The following ZNF804B variants were observed in gnomAD, a reference collection of about 807,000 sequenced individuals.
ZNF804B encodes the protein zinc finger protein 804B.
A neutral mutation model predicts 101.4 loss-of-function variants in ZNF804B; 80 were observed. The observed-to-expected ratio is 0.79, with a 90% CI of 0.66 to 0.95. ZNF804B has a LOEUF of 0.95. ZNF804B is among the 40% of genes least tolerant of loss of function. The pLI is 0.00. For synonymous variants in ZNF804B, 622 were observed against 558.8 expected (o/e 1.11, Z -1.59); for missense variants, 1,673 against 1,561.9 (o/e 1.07, Z -1.20).
At chr7:89,118,860 G>C (rs1370612546) in intron 1 of ZNF804B, among the ~76,000 whole-genome samples, 5 of 152,136 alleles carry the variant, frequency 3.3e-5, no homozygotes, top group Non-Finnish European at 4.4e-5. Flanking sequence ...CCCTCTGAAA[G>C]AGGACTACAG....
At chr7:89,176,594 T>TTTTC (rs1554373958) in intron 1 of ZNF804B, among the ~76,000 whole-genome samples, 8 of 145,210 alleles carry the variant, frequency 5.5e-5, no homozygotes, top group African/African-American at 2.0e-4. Context: ...TTTCTTTCTT[T>TTTTC]TTTTTTTTTT....
At chr7:89,217,848 G>A (rs575161955) in intron 1 of ZNF804B, among the ~76,000 whole-genome samples, 1 of 152,128 alleles carries the variant, frequency 6.6e-6, no homozygotes, top group African/African-American at 2.4e-5. Context: ...GGGCTATGGA[G>A]GATATAAAGA....
intron 2 of ZNF804B, among the ~76,000 whole-genome samples, chr7:89,232,870 C>T (rs758022110): frequency 6.6e-6 from 1 of 151,928 alleles, no homozygotes; most frequent in Non-Finnish European, 1.5e-5. Context: ...TCTGATTTCT[C>T]TTTTGATATG....
At chr7:88,834,089 C>G (rs1562806578) in intron 1 of ZNF804B, among the ~76,000 whole-genome samples, 2 of 151,660 alleles carry the variant, frequency 1.3e-5, no homozygotes, top group Admixed American at 6.6e-5. Flanking sequence ...AATATAAGGT[C>G]AAGTGGGAGG....
At chr7:88,843,431 A>G (rs1791316595) in intron 1 of ZNF804B, among the ~76,000 whole-genome samples, 1 of 152,128 alleles carries the variant, frequency 6.6e-6, no homozygotes, top group Admixed American at 6.6e-5. Flanking sequence ...TAAAGAGTAG[A>G]ATAAATAATT....
chr7:88,782,632 C>T (rs993582495), intron 1 of ZNF804B, among the ~76,000 whole-genome samples: 1 of 152,094 alleles, frequency 6.6e-6, no homozygotes, highest in Non-Finnish European at 1.5e-5. Context: ...TAGAAACACA[C>T]AGTGGGAAAA....
intron 1 of ZNF804B, among the ~76,000 whole-genome samples, chr7:89,135,792 T>A (rs1223150052): frequency 6.6e-6 from 1 of 151,564 alleles, no homozygotes; most frequent in East Asian, 2.0e-4. Context: ...TTCCACCTAT[T>A]CCTGTATAAC....
intron 1 of ZNF804B, among the ~76,000 whole-genome samples, chr7:89,040,125 C>T (rs1788993629): frequency 6.6e-6 from 1 of 151,942 alleles, no homozygotes; most frequent in Admixed American, 6.5e-5. Flanking sequence ...TGCATTGATG[C>T]ATTTAATGAT....
chr7:89,138,648 GC>G (rs1193768412), intron 1 of ZNF804B, among the ~76,000 whole-genome samples: 1 of 152,028 alleles, frequency 6.6e-6, no homozygotes, highest in African/African-American at 2.4e-5. Context: ...GTTTGGCTGT[GC>G]CCCCACCCAA....
chr7:89,261,803 A>T (rs1789715841), intron 2 of ZNF804B, among the ~76,000 whole-genome samples: 1 of 152,194 alleles, frequency 6.6e-6, no homozygotes, highest in South Asian at 2.1e-4. Context: ...GGTATAGTAA[A>T]GTACAGTATT....
chr7:88,856,799 G>C (rs1418149986), intron 1 of ZNF804B, among the ~76,000 whole-genome samples: 1 of 152,134 alleles, frequency 6.6e-6, no homozygotes, highest in Non-Finnish European at 1.5e-5. Flanking sequence ...CTAGTTTATT[G>C]AGAGTTTTTA....
chr7:88,976,193 C>A (rs569908358), intron 1 of ZNF804B, among the ~76,000 whole-genome samples: 1 of 151,384 alleles, frequency 6.6e-6, no homozygotes, highest in Admixed American at 6.6e-5. Flanking sequence ...GTAATTCTTC[C>A]GTTTTTGTTC....
intron 1 of ZNF804B, among the ~76,000 whole-genome samples, chr7:89,067,303 A>G (rs1429833107): frequency 2.0e-5 from 3 of 152,200 alleles, no homozygotes; most frequent in African/African-American, 7.2e-5. Context: ...TGGAATCTCT[A>G]TCACTGGGAG....
At chr7:89,128,987 A>G (rs1405512038) in intron 1 of ZNF804B, among the ~76,000 whole-genome samples, 1 of 151,964 alleles carries the variant, frequency 6.6e-6, no homozygotes, top group Non-Finnish European at 1.5e-5. Context: ...TTGCAGCAGA[A>G]TTCATTGTGC....
intron 1 of ZNF804B, among the ~76,000 whole-genome samples, chr7:89,175,768 T>C (rs1791308110): frequency 1.3e-5 from 2 of 152,236 alleles, no homozygotes; most frequent in South Asian, 4.1e-4. Context: ...TAATTTTTAT[T>C]GTAGCAATCT....
rs530419123 is a variant in ZNF804B, at chr7:89,008,929, C to G, written c.109-209226C>G. Among the ~76,000 whole-genome samples the G allele has an allele frequency of 3.9e-5, 6 of 152,260 alleles. No homozygotes were observed. The South Asian group carries it at 1.2e-3, about 32-fold the overall frequency. On this transcript the variant is annotated intron_variant, in intron 1 of 3. Transcript: ENST00000333190. ...GTTACCCTTGAACATGTTCAGGTTTCTCTCATGCTCGACATTTTTACCTAG... is the reference window on the plus strand; with the variant it reads ...GTTACCCTTGAACATGTTCAGGTTTGTCTCATGCTCGACATTTTTACCTAG...
intron 2 of ZNF804B, among the ~76,000 whole-genome samples, chr7:89,280,090 C>T (rs1290175276): frequency 1.3e-5 from 2 of 152,096 alleles, no homozygotes; most frequent in African/African-American, 4.8e-5. Flanking sequence ...AACTAGAACT[C>T]GGGATTAAGA....
chr7:88,776,910 A>T (rs1790150627), intron 1 of ZNF804B, among the ~76,000 whole-genome samples: 1 of 152,030 alleles, frequency 6.6e-6, no homozygotes, highest in African/African-American at 2.4e-5. Flanking sequence ...ATCCAATACC[A>T]AGTAATTGTT....
At chr7:88,773,121 T>C (rs765280756) in intron 1 of ZNF804B, among the ~76,000 whole-genome samples, 17 of 152,192 alleles carry the variant, frequency 1.1e-4, no homozygotes, top group Non-Finnish European at 2.2e-4. Context: ...CTCTAAGTGT[T>C]GATTATATAT....
Sources: allele counts gnomAD v4.1 joint callset (sites outside exome capture counted in the v4.1 genomes callset), GRCh38; gene constraint gnomAD v4.1.1; transcripts MANE v1.5; gene names NCBI Gene and HGNC (gene_info 2026-07-23, HGNC 2026-07-21).